The following OPA3 variants were observed in gnomAD, a reference collection of about 807,000 sequenced individuals.
OPA3 encodes outer mitochondrial membrane lipid metabolism regulator OPA3.
In OPA3, 6 loss-of-function variants were observed where a neutral mutation model predicts 4.0. The observed-to-expected ratio is 1.51, with a 90% CI of 0.83 to 2.99. The LOEUF is 2.99. Ranked by LOEUF, OPA3 falls within the 30% of genes most tolerant of loss-of-function variation. The pLI is 0.00. For synonymous variants in OPA3, 105 were observed against 117.1 expected (o/e 0.90, Z 0.67); for missense variants, 235 against 256.2 (o/e 0.92, Z 0.56).
chr19:45,540,263 G>A (rs1969169023), intron 1 of OPA3, among the ~76,000 whole-genome samples: 1 of 151,922 alleles, frequency 6.6e-6, no homozygotes, highest in South Asian at 2.1e-4. Context: ...ATTGCAGTGA[G>A]TCAAGATCGC....
At position 45,561,330 on chromosome 19, in the gene OPA3, T is replaced by A. The variant is rs180836962; in HGVS notation, c.143-7419A>T. 2.9e-3 allele frequency among the ~76,000 whole-genome samples: 447 copies of A among 151,672 alleles called. 3 individuals are homozygous for A. Among genetic ancestry groups the A allele is most frequent in the Middle Eastern group, 6.8e-3 (2 of 294 alleles). On this transcript the variant is annotated intron_variant, in intron 1 of 1. Coordinates refer to ENST00000263275, the MANE Select transcript of OPA3 (RefSeq NM_025136.4). Reference sequence around the variant, plus strand: ...CCTGGGCAACAAGAGCAAAACTCCATCTCAAAAAAGAAAGAAAGAAAAAAA... The same window carrying A: ...CCTGGGCAACAAGAGCAAAACTCCAACTCAAAAAAGAAAGAAAGAAAAAAA...
intron 1 of OPA3, among the ~76,000 whole-genome samples, chr19:45,556,838 G>A (rs368870538): frequency 6.6e-6 from 1 of 152,200 alleles, no homozygotes; most frequent in East Asian, 1.9e-4. Flanking sequence ...TGGGTTCCTG[G>A]GGTCCAGGCT....
At chr19:45,531,125 TTGCTTTGTGCAA>T (rs1166891586) in intron 1 of OPA3, among the ~76,000 whole-genome samples, 1 of 151,878 alleles carries the variant, frequency 6.6e-6, no homozygotes, top group Non-Finnish European at 1.5e-5. Flanking sequence ...ACCTATGTAA[TTGCTTTGTGCAA>T]TGCTTTGTGC....
Position 45,552,072 on chromosome 19 carries a change from AT to A in OPA3, c.*1441del. On this transcript the variant is annotated 3_prime_UTR_variant, in exon 2 of 2. Transcript: ENST00000263275. ...ACCACGGAAAGGGGGGTTGGAGGAC[AT>A]TCACAGAAAAGATCCTGTAGTGCCA... 1.0e-6 allele frequency: 1 copy of A among 985,506 alleles called. No individual in the cohort carries two copies. Among genetic ancestry groups the A allele is most frequent in the South Asian group, 4.7e-5 (1 of 21,292 alleles). 61.0% of individuals were successfully genotyped at this position (985,506 alleles called of 1,614,324 possible). A position where few individuals can be genotyped will look rare whatever the true frequency, so the allele number is the denominator to read the frequency against.
In OPA3 at chr19:45,530,702, G is replaced by A. The variant is rs551053437; in HGVS notation, c.143-1246C>T. Reference sequence around the variant, plus strand: ...TCAAACTCCTGACCTCAAGTGATCCGCCTGCTTCAGCCTCCCAAAGTGCTA... The same window carrying A: ...TCAAACTCCTGACCTCAAGTGATCCACCTGCTTCAGCCTCCCAAAGTGCTA... On this transcript the variant is annotated intron_variant, in intron 1 of 1. Transcript: ENST00000323060. 4.7e-4 allele frequency among the ~76,000 whole-genome samples: 71 copies of A among 151,358 alleles called. 1 individual carries two copies. Among genetic ancestry groups the A allele is most frequent in the African/African-American group, 1.5e-3 (62 of 41,202 alleles).
intron 1 of OPA3, among the ~76,000 whole-genome samples, chr19:45,532,968 T>C (rs1969075445): frequency 6.6e-6 from 1 of 152,056 alleles, no homozygotes; most frequent in African/African-American, 2.4e-5. Context: ...CTCGGCTCAC[T>C]GCAACCTCTG....
chr19:45,528,403 A>G (rs1199466418), exon 2 of OPA3: 1 of 152,576 alleles, frequency 6.6e-6, no homozygotes, highest in Non-Finnish European at 1.5e-5. Context: ...GAGGATGTCA[A>G]TGACAGGTAC....
chr19:45,540,802 CA>C (rs11388312), intron 1 of OPA3, among the ~76,000 whole-genome samples: 9 of 146,756 alleles, frequency 6.1e-5, no homozygotes, highest in African/African-American at 1.8e-4. Flanking sequence ...GACTCCGTCT[CA>C]AAAAAAAAAC....
chr19:45,559,802 TCAGA>T (rs1157760107), intron 1 of OPA3, among the ~76,000 whole-genome samples: 1 of 151,286 alleles, frequency 6.6e-6, no homozygotes, highest in Non-Finnish European at 1.5e-5. Flanking sequence ...ATAGGCTGGG[TCAGA>T]CACATTCTCA....
chr19:45,541,665 A>G (rs1969187256), downstream of OPA3, among the ~76,000 whole-genome samples: 1 of 152,120 alleles, frequency 6.6e-6, no homozygotes, highest in Non-Finnish European at 1.5e-5. Flanking sequence ...CCTGGGCTCA[A>G]GCAAACCTCC....
At chr19:45,559,085 T>C (rs1286589874) in intron 1 of OPA3, among the ~76,000 whole-genome samples, 1 of 152,178 alleles carries the variant, frequency 6.6e-6, no homozygotes, top group Non-Finnish European at 1.5e-5. Context: ...GATTTCACCA[T>C]GTTGGCCAGG....
intron 1 of OPA3, among the ~76,000 whole-genome samples, chr19:45,562,827 A>G (rs1969525345): frequency 6.6e-6 from 1 of 152,214 alleles, no homozygotes; most frequent in Non-Finnish European, 1.5e-5. Flanking sequence ...ACCAGTGTTC[A>G]TTTCCTGGGT....
intron 1 of OPA3, 94 bp from the exon 2 acceptor site, chr19:45,554,005 AC>A: frequency 9.9e-7 from 1 of 1,008,614 alleles, no homozygotes; most frequent in Non-Finnish European, 1.4e-6. Context: ...AGCCTGGGTA[AC>A]CCAGGGGTCT....
rs142859143 is a variant in OPA3 at position 45,581,125 on chromosome 19, C to T, written c.142+3498G>A. On this transcript the variant is annotated intron_variant, in intron 1 of 1. Transcript: ENST00000263275. ...AGAGGAAGTCATTCCTCTTTCCGGA[C>T]ATGGGGACAAAACAGTTGTGGGGGT... 1.4e-4 allele frequency among the ~76,000 whole-genome samples: 21 copies of T among 152,238 alleles called. No homozygotes were observed. In the East Asian group the frequency reaches 4.0e-3, roughly 29 times the overall value.
Position 45,553,384 on chromosome 19 carries a change from T to C in OPA3, c.*130A>G. On this transcript the variant is annotated 3_prime_UTR_variant, in exon 2 of 2. Transcript: ENST00000263275. ...TAACGGCTGCTCTTATCAGCAGGGG[T>C]AACCAAATGCCAAGTTGCATCAAGA... The C allele has an allele frequency of 2.6e-6, 4 of 1,564,584 alleles. No homozygotes were observed. The highest frequency in any genetic ancestry group is 3.4e-6 in the Non-Finnish European group (4 of 1,162,950).
chr19:45,574,632 G>A (rs1969741145), intron 1 of OPA3, among the ~76,000 whole-genome samples: 1 of 152,150 alleles, frequency 6.6e-6, no homozygotes, highest in South Asian at 2.1e-4. Context: ...AAGCAGCAGT[G>A]CCAAGATCCG....
chr19:45,563,219 G>A (rs1208794998), intron 1 of OPA3, among the ~76,000 whole-genome samples: 1 of 152,162 alleles, frequency 6.6e-6, no homozygotes, highest in African/African-American at 2.4e-5. Flanking sequence ...GAGTGCAGTG[G>A]CTCGATCTTG....
At chr19:45,538,100 CAAA>C (rs1178598021) in intron 1 of OPA3, among the ~76,000 whole-genome samples, 2 of 38,172 alleles carry the variant, frequency 5.2e-5, no homozygotes, top group Admixed American at 3.9e-4. Context: ...GGCTCCATAT[CAAA>C]AAAAAAAAAA....
At chr19:45,533,132 C>A (rs1412995950) in intron 1 of OPA3, among the ~76,000 whole-genome samples, 1 of 151,724 alleles carries the variant, frequency 6.6e-6, no homozygotes, top group African/African-American at 2.4e-5. Flanking sequence ...CTCAAATGAT[C>A]CACCTGCCTT....
Sources: gnomAD v4.1 joint callset for allele counts (sites outside exome capture counted in the v4.1 genomes callset) on GRCh38, gnomAD v4.1.1 for gene constraint, MANE v1.5 for transcripts, NCBI Gene and HGNC (gene_info 2026-07-23, HGNC 2026-07-21) for gene names.